PRELID3A: variants seen among roughly 807,000 people sequenced by gnomAD.
PRELID3A encodes the protein PRELI domain containing protein 3A.
In PRELID3A, 27 loss-of-function variants were observed where a neutral mutation model predicts 23.0. The ratio of observed to expected loss-of-function variants is 1.17; its 90% CI spans 0.87 to 1.62. PRELID3A has a LOEUF of 1.62. PRELID3A is among the 40% of genes most tolerant of loss of function. The probability of loss-of-function intolerance (pLI) is 0.00; values close to 1 mark genes in which losing one functional copy is unlikely to be tolerated. For missense variants in PRELID3A, 231 were observed against 231.4 expected (o/e 1.00, Z 0.01); for synonymous variants, 87 against 86.4 (o/e 1.01, Z -0.04).
At chr18:12,414,664 T>TGCAGTGAGTTGAGATCACAC (rs1206641398) in intron 1 of PRELID3A, among the ~76,000 whole-genome samples, 10 of 152,130 alleles carry the variant, frequency 6.6e-5, no homozygotes, top group Non-Finnish European at 1.2e-4. Flanking sequence ...AGGTGGAGGT[T>TGCAGTGAGTTGAGATCACAC]GCAGTGAGTT....
At position 12,420,351 on chromosome 18, in the gene PRELID3A, C is replaced by G. The variant is rs747568658; in HGVS notation, c.59C>G (p.Ala20Gly). ...FGHPWDTVIQ[A>G]AMRKYPNPMN... The stretch of plus-strand genomic sequence containing the variant: ...CACCCGTGGGACACGGTCATCCAGG[C>G]GGCCATGCGCAAGTACCCGAACCCG... Residue 20 changes from alanine to glycine, a missense_variant, in exon 2 of 7, where the codon GCG (alanine) becomes GGG (glycine). Physicochemically the swap from Ala to Gly is moderately conservative, Grantham distance 60 (BLOSUM62 0). Transcript: ENST00000440960. The G allele has an allele frequency of 6.2e-7, 1 of 1,610,744 alleles. No homozygotes were observed. The highest frequency in any genetic ancestry group is 1.3e-5 in the African/African-American group (1 of 74,890).
rs2030488808 is a variant in PRELID3A at position 12,429,365 on chromosome 18, G to T, written c.481G>T (p.Glu161Ter). The T allele has an allele frequency of 6.2e-7, 1 of 1,613,754 alleles. No individual in the cohort carries two copies. ...SNAKKGWAAI[E>*]WIIEHSESAV... ...TGTGTTGCAGGGGTGGGCTGCTATC[G>T]AGTGGATAATTGAACACTCTGAAAG... is the stretch of plus-strand genomic sequence containing the variant. The change falls in exon 6 of 7, where the codon GAG becomes TAG. Residue 161 changes from glutamate to a stop codon, truncating the protein, a stop_gained. Coordinates refer to ENST00000440960, the MANE Select transcript of PRELID3A (RefSeq NM_001142405.2). LOFTEE classifies it high-confidence loss of function.
At chr18:12,425,881 A>G (rs1406711519) in intron 3 of PRELID3A, among the ~76,000 whole-genome samples, 7 of 152,016 alleles carry the variant, frequency 4.6e-5, no homozygotes, top group Non-Finnish European at 8.8e-5. Context: ...TTGAGGATGC[A>G]GTGAGCCTTG....
At chr18:12,415,436 T>A (rs1016558457) in intron 1 of PRELID3A, among the ~76,000 whole-genome samples, 2 of 151,902 alleles carry the variant, frequency 1.3e-5, no homozygotes, top group Middle Eastern at 3.2e-3. Flanking sequence ...ATTTTTGTAT[T>A]TTTAGTAGAG....
chr18:12,421,441 C>T lies in PRELID3A; in HGVS notation c.202-99C>T, dbSNP rs565355947. 7.5e-6 allele frequency: 6 copies of T among 799,290 alleles called. No individual in the cohort carries two copies. The African/African-American group carries it at 8.5e-5, about 11-fold the overall frequency. The allele number at this position is 799,290 out of a possible 1,614,324, so 49.5% of individuals were successfully genotyped here. The stretch of plus-strand genomic sequence containing the variant: ...CTTGCTGCATCCCATGATATCATTT[C>T]TTGAATAGTGAACTAATTAGTAAAT... On this transcript the variant is annotated intron_variant, in intron 2 of 6. Transcript: ENST00000440960.
intron 1 of PRELID3A, among the ~76,000 whole-genome samples, chr18:12,417,160 A>G (rs563546167): frequency 1.3e-5 from 2 of 152,204 alleles, no homozygotes; most frequent in Admixed American, 6.6e-5. Flanking sequence ...AGCCAGAAAG[A>G]TGCAAATTTT....
At chr18:12,420,230 C>T (rs1263029206) in intron 1 of PRELID3A, 95 bp from the exon 2 acceptor site, 8 of 1,482,442 alleles carry the variant, frequency 5.4e-6, no homozygotes, top group African/African-American at 1.4e-5. Flanking sequence ...AAGAGACTAG[C>T]GCGTTGCCCA....
In PRELID3A at chr18:12,420,514, G is replaced by A. The variant is rs1262627237; in HGVS notation, c.201+21G>A. 3 of 1,496,224 alleles carry A rather than the reference G, an allele frequency of 2.0e-6. No homozygotes were observed. The South Asian group carries it at 3.9e-5, about 19-fold the overall frequency. The allele number at this position is 1,496,224 out of a possible 1,614,324, so 92.7% of individuals were successfully genotyped here. ...GAGCGGTGAGCGGGGCGGGGGCTGC[G>A]GCTCCGAACGCGCCCGACTCCCCCA... On this transcript the variant is annotated intron_variant, in intron 2 of 6. Coordinates refer to ENST00000440960, the MANE Select transcript of PRELID3A (RefSeq NM_001142405.2).
In PRELID3A at chr18:12,423,753, G is replaced by A. The variant is rs375310135; in HGVS notation, c.291+2124G>A. 2.6e-5 allele frequency among the ~76,000 whole-genome samples: 4 copies of A among 152,182 alleles called. No individual in the cohort carries two copies. The South Asian group carries it at 6.2e-4, about 24-fold the overall frequency. On this transcript the variant is annotated intron_variant, in intron 3 of 6. Transcript: ENST00000440960. The stretch of plus-strand genomic sequence containing the variant: ...GAGCAGGTCATCCAGGCGGCCATGC[G>A]CAAGTACCCGAACCGGTACCTGGGC...
At chr18:12,413,314 G>A (rs764792549) in intron 1 of PRELID3A, among the ~76,000 whole-genome samples, 6 of 152,178 alleles carry the variant, frequency 3.9e-5, no homozygotes, top group Non-Finnish European at 7.3e-5. Flanking sequence ...GTGGTGGCTT[G>A]TGCCTGTAGT....
chr18:12,430,086 C>A (rs1160189021), intron 6 of PRELID3A, among the ~76,000 whole-genome samples: 2 of 152,224 alleles, frequency 1.3e-5, no homozygotes, highest in Non-Finnish European at 2.9e-5. Context: ...CCCCATCTGT[C>A]CCCCGTGTGT....
At chr18:12,423,299 G>T (rs372708411) in intron 3 of PRELID3A, among the ~76,000 whole-genome samples, 1 of 152,328 alleles carries the variant, frequency 6.6e-6, no homozygotes, top group East Asian at 1.9e-4. Flanking sequence ...CTGAGAGTTT[G>T]TTGCAGGAAG....
chr18:12,419,087 G>A (rs1324912441), intron 1 of PRELID3A, among the ~76,000 whole-genome samples: 2 of 152,116 alleles, frequency 1.3e-5, no homozygotes, highest in East Asian at 1.9e-4. Flanking sequence ...ACTTTGGGAC[G>A]CTGAGGCAGG....
intron 1 of PRELID3A, among the ~76,000 whole-genome samples, chr18:12,412,275 C>T (rs2143325097): frequency 6.6e-6 from 1 of 151,746 alleles, no homozygotes; most frequent in Admixed American, 6.6e-5. Flanking sequence ...GCAACCTCTG[C>T]CTCCCAGGTT....
intron 1 of PRELID3A, among the ~76,000 whole-genome samples, chr18:12,408,573 G>A (rs1313076253): frequency 2.6e-5 from 4 of 152,178 alleles, no homozygotes; most frequent in African/African-American, 9.7e-5. Context: ...AAGCTAGCGT[G>A]GAAAACCTCG....
intron 1 of PRELID3A, among the ~76,000 whole-genome samples, chr18:12,411,071 A>T (rs991592892): frequency 6.6e-6 from 1 of 152,182 alleles, no homozygotes; most frequent in Non-Finnish European, 1.5e-5. Context: ...CGCCCCTGAG[A>T]TCATCATAGC....
intron 3 of PRELID3A, among the ~76,000 whole-genome samples, chr18:12,422,837 G>C (rs1373961584): frequency 1.3e-5 from 2 of 152,224 alleles, no homozygotes; most frequent in African/African-American, 2.4e-5. Context: ...GGGCTATGGT[G>C]GGTGAAGTCA....
At chr18:12,425,206 G>A (rs1313630188) in intron 3 of PRELID3A, among the ~76,000 whole-genome samples, 2 of 152,122 alleles carry the variant, frequency 1.3e-5, no homozygotes, top group Non-Finnish European at 2.9e-5. Flanking sequence ...CCACATTTCA[G>A]GTGTGCATTA....
intron 1 of PRELID3A, among the ~76,000 whole-genome samples, chr18:12,412,384 C>A (rs192771714): frequency 1.3e-5 from 2 of 151,404 alleles, no homozygotes; most frequent in South Asian, 2.1e-4. Context: ...GACGGGGTTT[C>A]GCCATGTTGG....
Sources: allele counts gnomAD v4.1 joint callset (sites outside exome capture counted in the v4.1 genomes callset), GRCh38; gene constraint gnomAD v4.1.1; transcripts MANE v1.5; gene names NCBI Gene and HGNC (gene_info 2026-07-23, HGNC 2026-07-21).